Variants in GLS observed in about 807,000 individuals in gnomAD.
The protein encoded by GLS is glutaminase kidney isoform, mitochondrial.
Under a neutral mutation model 86.7 loss-of-function variants are expected in GLS, and 36 were observed. The observed-to-expected ratio is 0.42, with a 90% confidence interval of 0.32 to 0.55. The LOEUF is 0.55. Among genes scored for constraint, GLS ranks in the 20% least tolerant of loss-of-function variants. The pLI, the probability that GLS is intolerant of heterozygous loss-of-function variation, is 0.17. For synonymous variants in GLS, 317 were observed against 305.9 expected, an observed-to-expected ratio of 1.04 and a Z score of -0.38; for missense variants, 528 against 833.4, an observed-to-expected ratio of 0.63 and a Z score of 4.51.
At chr2:190,950,593 C>G (rs1040901627) in intron 14 of GLS, among the ~76,000 whole-genome samples, 1 of 152,214 alleles carries the variant, frequency 6.6e-6, no homozygotes, top group African/African-American at 2.4e-5. Context: ...AGCAGAAGCA[C>G]TTCTCAGCAC....
Position 190,935,363 on chromosome 2 carries a change from T to C in GLS, c.1650+3726T>C, listed in dbSNP as rs192879257. ...TTCAACATTTTAAGTACAAATACAG[T>C]TGGGATTTTAACTTAGAAAAAATTA... On this transcript the variant is annotated intron_variant, in intron 14 of 17. Transcript: ENST00000320717. The surrounding 1 kb of genome is among the most constrained non-coding windows in gnomAD (Gnocchi z 4.2). The C allele has an allele frequency of 3.6e-4, 64 of 178,020 alleles. No homozygotes were observed. The highest frequency in any genetic ancestry group is 1.4e-3 in the African/African-American group (57 of 42,032). 11.0% of individuals were successfully genotyped at this position (178,020 alleles called of 1,614,324 possible).
intron 1 of GLS, among the ~76,000 whole-genome samples, chr2:190,892,001 G>T (rs1012147136): frequency 3.3e-5 from 5 of 152,014 alleles, no homozygotes; most frequent in African/African-American, 1.2e-4. Context: ...AAAAAAGCTT[G>T]ACCTTATTAG....
chr2:190,893,962 T>C (rs891896817), intron 1 of GLS, among the ~76,000 whole-genome samples: 5 of 152,230 alleles, frequency 3.3e-5, no homozygotes, highest in African/African-American at 1.2e-4. Context: ...TGTCATTAAA[T>C]ATTTTAATGA....
Position 190,913,065 on chromosome 2 carries a change from C to G in GLS, c.1038+2744C>G, listed in dbSNP as rs923373327. Reference sequence around the variant, plus strand: ...TGATTTTTTTTTTTCTTTCAAAATTCAGGAATTTATCATGGTGCCATTAAA... The same window carrying G: ...TGATTTTTTTTTTTCTTTCAAAATTGAGGAATTTATCATGGTGCCATTAAA... On this transcript the variant is annotated intron_variant, in intron 7 of 17. Coordinates refer to ENST00000320717, the MANE Select transcript of GLS (RefSeq NM_014905.5). This position sits in a 1 kb window ranked among gnomAD's most constrained non-coding sequence, Gnocchi z 6.1. The G allele has an allele frequency of 3.9e-6, 3 of 764,382 alleles. No homozygotes were observed. The Admixed American group carries it at 8.5e-5, about 22-fold the overall frequency. The allele number at this position is 764,382 out of a possible 1,614,324, so 47.3% of individuals were successfully genotyped here.
rs115152936 is a variant in GLS at position 190,939,505 on chromosome 2, A to T, written c.1650+7868A>T. Among the ~76,000 whole-genome samples, 887 of 151,870 alleles carry T rather than the reference A, an allele frequency of 5.8e-3. 15 individuals carry two copies. Among genetic ancestry groups the T allele is most frequent in the African/African-American group, 0.019 (784 of 41,536 alleles). ...CATTCCAAAATAAAAATGATGAAAT[A>T]TTAGTATCAGTTACACAAATGTAAC... On this transcript the variant is annotated intron_variant, in intron 14 of 17. Transcript: ENST00000320717.
chr2:190,934,902 TAAAA>T (rs1169177014), intron 14 of GLS: 2 of 978,524 alleles, frequency 2.0e-6, no homozygotes, highest in South Asian at 4.7e-5. Flanking sequence ...CCCTCAAACT[TAAAA>T]AAGAAAAAAC....
intron 6 of GLS, among the ~76,000 whole-genome samples, chr2:190,908,015 A>G (rs1284091873): frequency 6.6e-6 from 1 of 152,222 alleles, no homozygotes; most frequent in African/African-American, 2.4e-5. Context: ...AATTGATAGG[A>G]TGAATTGTGG....
intron 1 of GLS, among the ~76,000 whole-genome samples, chr2:190,887,338 C>CATGT (rs1688419064): frequency 6.6e-6 from 1 of 152,038 alleles, no homozygotes; most frequent in African/African-American, 2.4e-5. Context: ...TGACCCCCTA[C>CATGT]AACGTAGTAG....
chr2:190,927,504 T>C (rs754377931), intron 12 of GLS, 22 bp downstream of exon 12: 3 of 1,556,544 alleles, frequency 1.9e-6, no homozygotes, highest in African/African-American at 1.5e-5. Context: ...TTTAATCTTA[T>C]TTTCTCTGGC....
rs2124945703 is a variant in GLS at position 190,951,528 on chromosome 2, G to C, written c.1651-2037G>C. Among the ~76,000 whole-genome samples, 1 of 152,234 alleles carries C rather than the reference G, an allele frequency of 6.6e-6. No homozygotes were observed. Among genetic ancestry groups the C allele is most frequent in the African/African-American group, 2.4e-5 (1 of 41,556 alleles). ...GGGAACAAGAACAGGGCATCTAGAGGATAAGTGTTTGAAGGAATAGATAAA... is the reference window on the plus strand; with the variant it reads ...GGGAACAAGAACAGGGCATCTAGAGCATAAGTGTTTGAAGGAATAGATAAA... On this transcript the variant is annotated intron_variant, in intron 14 of 17. Transcript: ENST00000320717. This position sits in a 1 kb window ranked among gnomAD's most constrained non-coding sequence, Gnocchi z 4.2.
At chr2:190,940,320 T>C (rs994726894) in intron 14 of GLS, among the ~76,000 whole-genome samples, 8 of 152,054 alleles carry the variant, frequency 5.3e-5, no homozygotes, top group African/African-American at 1.9e-4. Context: ...TGAAACTTCA[T>C]TGACATCTGA....
chr2:190,954,920 CCTG>C lies in GLS; in HGVS notation c.1853+105_1853+107del. The C allele has an allele frequency of 1.3e-6, 1 of 772,128 alleles. No individual in the cohort carries two copies. The highest frequency in any genetic ancestry group is 2.1e-6 in the Non-Finnish European group (1 of 472,468). 47.8% of individuals were successfully genotyped at this position (772,128 alleles called of 1,614,324 possible). ...TTCAACCTACTAAGACATTCTTGAA[CCTG>C]CTATGATATCTTATAAAGGCAATAA... On this transcript the variant is annotated intron_variant, in intron 17 of 17. Coordinates refer to ENST00000320717, the MANE Select transcript of GLS (RefSeq NM_014905.5). The surrounding 1 kb of genome is among the most constrained non-coding windows in gnomAD (Gnocchi z 4.0).
At chr2:190,906,837 T>A (rs974181366) in intron 6 of GLS, among the ~76,000 whole-genome samples, 3 of 152,032 alleles carry the variant, frequency 2.0e-5, no homozygotes, top group African/African-American at 4.8e-5. Context: ...AATAAATTTT[T>A]AAAAAATAAA....
intron 5 of GLS, among the ~76,000 whole-genome samples, chr2:190,904,374 C>T (rs865905910): frequency 1.1e-4 from 16 of 152,258 alleles, no homozygotes; most frequent in Middle Eastern, 3.4e-3. Flanking sequence ...GAGGAGCATG[C>T]TCTTACTCTC....
In GLS at chr2:190,930,516, C is replaced by G; in HGVS notation, c.1505C>G (p.Ser502Cys). The change falls in exon 13 of 18, where the codon TCT becomes TGT. Residue 502 changes from serine to cysteine, a missense_variant. Ser to Cys is a moderately radical substitution (Grantham distance 112). Transcript: ENST00000320717. The surrounding 1 kb of genome is among the most constrained non-coding windows in gnomAD (Gnocchi z 5.0). Reference protein sequence around the residue: ...VPNVMGMMCWSPPLDKMGNSV... With the variant: ...VPNVMGMMCWCPPLDKMGNSV... Reference sequence around the variant, plus strand: ...AATGTTATGGGTATGATGTGCTGGTCTCCTCCTCTGGATAAGATGGGCAAC... The same window carrying G: ...AATGTTATGGGTATGATGTGCTGGTGTCCTCCTCTGGATAAGATGGGCAAC... The G allele has an allele frequency of 2.5e-6, 4 of 1,612,438 alleles. No homozygotes were observed. Among genetic ancestry groups the G allele is most frequent in the Non-Finnish European group, 3.4e-6 (4 of 1,178,638 alleles).
rs761492376 is a variant in GLS, at chr2:190,895,271, C to T, written c.483+23C>T. The T allele has an allele frequency of 5.4e-6, 5 of 934,012 alleles. No homozygotes were observed. In the South Asian group the frequency reaches 7.4e-5, roughly 14 times the overall value. 57.9% of individuals were successfully genotyped at this position (934,012 alleles called of 1,614,324 possible). A position where few individuals can be genotyped will look rare whatever the true frequency, so the allele number is the denominator to read the frequency against. Reference sequence around the variant, plus strand: ...ACAGTAAGTTTTTATATTTTTCTATCTTAACTTAAAAAAATCAATAATAAT... The same window carrying T: ...ACAGTAAGTTTTTATATTTTTCTATTTTAACTTAAAAAAATCAATAATAAT... On this transcript the variant is annotated intron_variant, in intron 2 of 17. Coordinates refer to ENST00000320717, the MANE Select transcript of GLS (RefSeq NM_014905.5). This position sits in a 1 kb window ranked among gnomAD's most constrained non-coding sequence, Gnocchi z 4.2.
At chr2:190,883,129 GCTT>G (rs760509128) in intron 1 of GLS, among the ~76,000 whole-genome samples, 3 of 152,136 alleles carry the variant, frequency 2.0e-5, no homozygotes, top group Non-Finnish European at 2.9e-5. Flanking sequence ...AGGAAATTGA[GCTT>G]CTTCTGTGAT....
intron 14 of GLS, among the ~76,000 whole-genome samples, chr2:190,940,786 C>T (rs1367259670): frequency 6.6e-6 from 1 of 150,968 alleles, no homozygotes; most frequent in East Asian, 1.9e-4. Flanking sequence ...TTGTTCTCCT[C>T]ATGTTGTTTT....
intron 11 of GLS, among the ~76,000 whole-genome samples, chr2:190,925,574 T>G (rs1689871604): frequency 6.6e-6 from 1 of 152,224 alleles, no homozygotes; most frequent in African/African-American, 2.4e-5. Context: ...TGAAGCCACA[T>G]AGGAGGCTAC....
Sources: gnomAD v4.1 joint callset for allele counts (sites outside exome capture counted in the v4.1 genomes callset) on GRCh38, gnomAD v4.1.1 for gene constraint, Gnocchi (gnomAD v3.1) non-coding constraint, MANE v1.5 for transcripts, NCBI Gene and HGNC (gene_info 2026-07-23, HGNC 2026-07-21) for gene names.